Variants in UBR4 observed in about 807,000 individuals in gnomAD.
UBR4 encodes the protein E3 ubiquitin-protein ligase UBR4.
Under a neutral mutation model 575.6 loss-of-function variants are expected in UBR4, and 124 were observed. That is an observed-to-expected ratio of 0.22 (90% CI 0.19 to 0.25). The LOEUF is 0.25. UBR4 is among the 10% of genes least tolerant of loss of function. UBR4 has a pLI of 1.00. For synonymous variants in UBR4, 2,455 were observed against 2,473.7 expected (o/e 0.99, Z 0.22); for missense variants, 4,818 against 6,478.8 (o/e 0.74, Z 8.80).
At chr1:19,090,286 G>A (rs1021533545) in intron 97 of UBR4, among the ~76,000 whole-genome samples, 1 of 152,040 alleles carries the variant, frequency 6.6e-6, no homozygotes, top group Non-Finnish European at 1.5e-5. Flanking sequence ...CTTCAATTAC[G>A]ATAAAAGCCT....
intron 18 of UBR4, 103 bp from the exon 19 acceptor site, chr1:19,177,846 TAAGATA>T: frequency 7.7e-7 from 1 of 1,300,410 alleles, no homozygotes; most frequent in Non-Finnish European, 1.0e-6. Flanking sequence ...ACCCAGGCAG[TAAGATA>T]ACAAATTAAG....
chr1:19,113,228 G>A (rs1032437051), intron 77 of UBR4: 1 of 278,082 alleles, frequency 3.6e-6, no homozygotes, highest in South Asian at 5.3e-5. Flanking sequence ...CCTTATATGA[G>A]GTACCTCTGT....
chr1:19,138,359 C>G (rs2083428243), intron 59 of UBR4, among the ~76,000 whole-genome samples, 178 bp from the exon 60 acceptor site: 1 of 152,228 alleles, frequency 6.6e-6, no homozygotes, highest in Non-Finnish European at 1.5e-5. Flanking sequence ...TTAAATCACT[C>G]TCACAGTAGC....
intron 49 of UBR4, among the ~76,000 whole-genome samples, chr1:19,149,457 C>T (rs1165349990): frequency 6.6e-6 from 1 of 152,130 alleles, no homozygotes; most frequent in Non-Finnish European, 1.5e-5. Flanking sequence ...GATGGTAGGA[C>T]TTTGCTGTTA....
intron 73 of UBR4, among the ~76,000 whole-genome samples, chr1:19,116,128 G>C (rs370295725): frequency 1.7e-4 from 26 of 152,324 alleles, no homozygotes; most frequent in Middle Eastern, 3.4e-3. Flanking sequence ...CACAATGAGA[G>C]CTAATATTTA....
At chr1:19,162,877 T>G (rs539273925) in intron 34 of UBR4, among the ~76,000 whole-genome samples, 1 of 152,284 alleles carries the variant, frequency 6.6e-6, no homozygotes, top group East Asian at 1.9e-4. Context: ...GAAGTAGGAT[T>G]GAAATTAGAA....
rs1232350443 is a variant in UBR4, at chr1:19,117,546, G to C, written c.10630-132C>G. 9.0e-7 allele frequency: 1 copy of C among 1,108,936 alleles called. No individual in the cohort carries two copies. The highest frequency in any genetic ancestry group is 1.3e-6 in the Non-Finnish European group (1 of 793,060). The allele number at this position is 1,108,936 out of a possible 1,614,324, so 68.7% of individuals were successfully genotyped here. A position where few individuals can be genotyped will look rare whatever the true frequency, so the allele number is the denominator to read the frequency against. On this transcript the variant is annotated intron_variant, in intron 72 of 105. Transcript: ENST00000375254. This position sits in a 1 kb window ranked among gnomAD's most constrained non-coding sequence, Gnocchi z 4.0. Reference sequence around the variant, plus strand: ...TTAATTTTTTAAAAAATATTTTGTAGAGATGGGGTCTCACCATCTTGCCCA... The same window carrying C: ...TTAATTTTTTAAAAAATATTTTGTACAGATGGGGTCTCACCATCTTGCCCA...
intron 62 of UBR4, 50 bp from the exon 63 acceptor site, chr1:19,127,789 G>T: frequency 6.9e-7 from 1 of 1,453,238 alleles, no homozygotes; most frequent in Non-Finnish European, 9.7e-7. Flanking sequence ...CGATGCTTGA[G>T]GCATCCTCTG....
chr1:19,074,601 G>A lies in UBR4; in HGVS notation c.*231C>T. The stretch of plus-strand genomic sequence containing the variant: ...GGGACAACTCATGGCTCCTAGGTAT[G>A]TACAGGCCCTTTGATGGCTTGGGTT... On this transcript the variant is annotated 3_prime_UTR_variant, in exon 106 of 106. Transcript: ENST00000375254. 1 of 584,264 alleles carries A rather than the reference G, an allele frequency of 1.7e-6. No homozygotes were observed. The highest frequency in any genetic ancestry group is 2.0e-5 in the South Asian group (1 of 50,550). The allele number at this position is 584,264 out of a possible 1,614,324, so 36.2% of individuals were successfully genotyped here. A position where few individuals can be genotyped will look rare whatever the true frequency, so the allele number is the denominator to read the frequency against.
At chr1:19,187,355 C>T (rs2091646476) in intron 12 of UBR4, 54 bp from the exon 13 acceptor site, 1 of 1,608,088 alleles carries the variant, frequency 6.2e-7, no homozygotes, top group African/African-American at 1.3e-5. Flanking sequence ...CCAGAAAAAA[C>T]AACTTGAGTT....
chr1:19,199,317 C>T (rs1401783311), intron 3 of UBR4, among the ~76,000 whole-genome samples: 1 of 152,176 alleles, frequency 6.6e-6, no homozygotes. Flanking sequence ...TGTTACCTAC[C>T]TGGCCCCTGC....
In UBR4 at chr1:19,206,188, G is replaced by A. The variant is rs553890542; in HGVS notation, c.176+3885C>T. On this transcript the variant is annotated intron_variant, in intron 1 of 105. Coordinates refer to ENST00000375254, the MANE Select transcript of UBR4 (RefSeq NM_020765.3). ...TTAAAAAAGAGTTTAAGCTGGGCCC[G>A]GTGGTGGGAGCCTGTAGTCTAGCTA... Among the ~76,000 whole-genome samples, 4 of 152,278 alleles carry A rather than the reference G, an allele frequency of 2.6e-5. No homozygotes were observed. The East Asian group carries it at 7.7e-4, about 29-fold the overall frequency.
rs2090399334 is a variant in UBR4 at position 19,177,518 on chromosome 1, G to A, written c.2580C>T (p.Leu860=). Residue 860 remains leucine (L), a synonymous_variant, in exon 19 of 106, where the codon CTC becomes CTT. Transcript: ENST00000375254. ...FVPLILARLL[L]IFDYLLHQYS... ...ACTGATGAAGCAGATAATCAAAGAT[G>A]AGAAGGAGGCGAGCCAAGATAAGCG... The A allele has an allele frequency of 3.7e-6, 6 of 1,614,152 alleles. No homozygotes were observed. Among genetic ancestry groups the A allele is most frequent in the Non-Finnish European group, 5.1e-6 (6 of 1,180,022 alleles).
At chr1:19,201,393 C>T (rs1249119638) in intron 2 of UBR4, among the ~76,000 whole-genome samples, 1 of 152,096 alleles carries the variant, frequency 6.6e-6, no homozygotes, top group African/African-American at 2.4e-5. Flanking sequence ...TCCACCACCG[C>T]CTTCCCCCCA....
chr1:19,084,512 G>A lies in UBR4; in HGVS notation c.15000C>T (p.Val5000=), dbSNP rs199871067. The change falls in exon 102 of 106, where the codon GTC becomes GTT. Residue 5000 remains valine, a synonymous_variant. Coordinates refer to ENST00000375254, the MANE Select transcript of UBR4 (RefSeq NM_020765.3). ...GGACACAGGGTACTGACGTGTTCAG[G>A]ACGTAAAGCACAGTGTGAATGATGT... ...IPYIIHTVLY[V]LNTTRATSRE... The A allele has an allele frequency of 1.1e-5, 18 of 1,611,304 alleles. No individual in the cohort carries two copies. The East Asian group carries it at 4.0e-4, about 36-fold the overall frequency.
At chr1:19,181,059 G>C (rs1251679217) in intron 17 of UBR4, among the ~76,000 whole-genome samples, 3 of 152,052 alleles carry the variant, frequency 2.0e-5, no homozygotes, top group Non-Finnish European at 4.4e-5. Context: ...TCTAGACACT[G>C]GCACCCCAAA....
chr1:19,148,971 G>A (rs928605110), intron 49 of UBR4, among the ~76,000 whole-genome samples: 2 of 152,202 alleles, frequency 1.3e-5, no homozygotes, highest in African/African-American at 2.4e-5. Flanking sequence ...GGGACCCAAA[G>A]CTCAGCTGCC....
chr1:19,201,951 G>C (rs956311667), intron 1 of UBR4, 136 bp from the exon 2 acceptor site: 5 of 717,862 alleles, frequency 7.0e-6, no homozygotes, highest in South Asian at 5.8e-5. Context: ...TTCAAGACTG[G>C]GAAAGATGAG....
chr1:19,116,780 T>A (rs1411761123), intron 73 of UBR4, among the ~76,000 whole-genome samples: 1 of 152,204 alleles, frequency 6.6e-6, no homozygotes, highest in Non-Finnish European at 1.5e-5. Context: ...CATGTGGAAA[T>A]CGAAGAGTGT....
Sources: allele counts gnomAD v4.1 joint callset (sites outside exome capture counted in the v4.1 genomes callset), GRCh38; gene constraint gnomAD v4.1.1; non-coding constraint Gnocchi (gnomAD v3.1); transcripts MANE v1.5; gene names NCBI Gene and HGNC (gene_info 2026-07-23, HGNC 2026-07-21).